TMEM45A: variants seen among roughly 807,000 people sequenced by gnomAD.
The protein encoded by TMEM45A is transmembrane protein 45A.
TMEM45A carries 25 observed loss-of-function variants against 32.0 expected under a neutral mutation model. That is an observed-to-expected ratio of 0.78 (90% CI 0.57 to 1.09). TMEM45A has a LOEUF of 1.09. TMEM45A is among the 50% of genes least tolerant of loss of function. The probability of loss-of-function intolerance (pLI) is 0.00; values close to 1 mark genes in which losing one functional copy is unlikely to be tolerated. For missense variants in TMEM45A, 302 were observed against 325.0 expected (o/e 0.93, Z 0.54); for synonymous variants, 122 against 114.8 (o/e 1.06, Z -0.40).
chr3:100,558,284 G>A (rs951842363), intron 3 of TMEM45A, 121 bp from the exon 4 acceptor site: 103 of 1,152,528 alleles, frequency 8.9e-5, no homozygotes, highest in Non-Finnish European at 1.2e-4. Context: ...ATCAGTGGGC[G>A]CCTGCTCTTT....
chr3:100,506,627 T>G (rs1276442362), intron 1 of TMEM45A, among the ~76,000 whole-genome samples: 1 of 152,176 alleles, frequency 6.6e-6, no homozygotes, highest in Non-Finnish European at 1.5e-5. Context: ...TGTCTATGAG[T>G]GTTTCAGAAA....
chr3:100,497,704 A>T (rs1347664818), intron 1 of TMEM45A, among the ~76,000 whole-genome samples: 2 of 152,208 alleles, frequency 1.3e-5, no homozygotes, highest in South Asian at 2.1e-4. Flanking sequence ...AATGTCTTCA[A>T]GTATCATCCA....
At chr3:100,539,438 T>TATGC (rs1453426235) in intron 1 of TMEM45A, among the ~76,000 whole-genome samples, 6,393 of 108,656 alleles carry the variant, frequency 0.059, 392 homozygotes, top group East Asian at 0.21. Context: ...ATAGGATATG[T>TATGC]ATATGTATAT....
intron 1 of TMEM45A, among the ~76,000 whole-genome samples, chr3:100,493,595 T>C (rs1707881589): frequency 6.6e-6 from 1 of 151,712 alleles, no homozygotes; most frequent in Non-Finnish European, 1.5e-5. Context: ...ATATATACTA[T>C]ATAGTATATA....
rs900824397 is a variant in TMEM45A, at chr3:100,538,528, C to T, written c.-3-16681C>T. Among the ~76,000 whole-genome samples the T allele has an allele frequency of 3.3e-5, 5 of 152,284 alleles. No homozygotes were observed. In the East Asian group the frequency reaches 9.6e-4, roughly 29 times the overall value. ...ACACAAAATGTCCCGTGTCATCACT[C>T]CTATGCCACATCCTACTGGATGTCT... is the stretch of plus-strand genomic sequence containing the variant. On this transcript the variant is annotated intron_variant, in intron 1 of 5. Transcript: ENST00000323523.
At chr3:100,540,504 A>G (rs1218059261) in intron 1 of TMEM45A, among the ~76,000 whole-genome samples, 1 of 152,238 alleles carries the variant, frequency 6.6e-6, no homozygotes, top group Admixed American at 6.5e-5. Context: ...CTATACACCT[A>G]TCAGGAACGC....
chr3:100,565,468 G>GT (rs925202891), intron 4 of TMEM45A, among the ~76,000 whole-genome samples: 63 of 151,018 alleles, frequency 4.2e-4, no homozygotes, highest in Admixed American at 7.9e-4. Flanking sequence ...CACATGAAGT[G>GT]TTTTTTTTTC....
chr3:100,534,550 G>A (rs1286067697), intron 1 of TMEM45A, among the ~76,000 whole-genome samples: 1 of 152,164 alleles, frequency 6.6e-6, no homozygotes. Context: ...GGCAAGGAAA[G>A]GGATTCTCCC....
chr3:100,534,992 C>T (rs761106838), intron 1 of TMEM45A, among the ~76,000 whole-genome samples: 1 of 152,186 alleles, frequency 6.6e-6, no homozygotes, highest in Non-Finnish European at 1.5e-5. Context: ...AACCACTGTT[C>T]TCGCTCCCTC....
intron 1 of TMEM45A, among the ~76,000 whole-genome samples, chr3:100,551,445 G>A (rs1174014191): frequency 6.6e-6 from 1 of 152,148 alleles, no homozygotes; most frequent in African/African-American, 2.4e-5. Flanking sequence ...TTTGGTGGGC[G>A]AGGAAAGCCC....
At chr3:100,557,035 A>G (rs1706236458) in intron 3 of TMEM45A, 63 bp downstream of exon 3, 3 of 1,494,774 alleles carry the variant, frequency 2.0e-6, no homozygotes. Flanking sequence ...GTAGCCCTTC[A>G]TATTAATATA....
At chr3:100,553,254 C>T (rs1012638217) in intron 1 of TMEM45A, among the ~76,000 whole-genome samples, 2 of 152,092 alleles carry the variant, frequency 1.3e-5, no homozygotes, top group Non-Finnish European at 1.5e-5. Flanking sequence ...AGTTGGTATT[C>T]GGACTTAGAT....
chr3:100,566,565 A>G (rs771665667), intron 4 of TMEM45A, among the ~76,000 whole-genome samples: 1 of 152,076 alleles, frequency 6.6e-6, no homozygotes, highest in African/African-American at 2.4e-5. Context: ...ATTTTCATGT[A>G]TTATTATCTT....
chr3:100,502,984 TTCCTCCTTCTCCTCC>T (rs1213040674), intron 1 of TMEM45A, among the ~76,000 whole-genome samples: 3 of 150,906 alleles, frequency 2.0e-5, no homozygotes, highest in African/African-American at 4.9e-5. Flanking sequence ...CCTTCTCCTC[TTCCTCCTTCTCCTCC>T]TCCTCCTTCT....
At chr3:100,542,871 T>C (rs1384910203) in intron 1 of TMEM45A, among the ~76,000 whole-genome samples, 1 of 152,028 alleles carries the variant, frequency 6.6e-6, no homozygotes, top group Admixed American at 6.6e-5. Flanking sequence ...ATAATAGGCA[T>C]TGGGGACCAC....
intron 1 of TMEM45A, among the ~76,000 whole-genome samples, chr3:100,541,524 CTTTTTT>C (rs61341173): frequency 1.8e-5 from 2 of 111,268 alleles, no homozygotes; most frequent in Non-Finnish European, 1.8e-5. Context: ...CTTTTCTTTC[CTTTTTT>C]TTTTTTTTTT....
In TMEM45A at chr3:100,543,103, G is replaced by T. The variant is rs948164931; in HGVS notation, c.-3-12106G>T. On this transcript the variant is annotated intron_variant, in intron 1 of 5. Transcript: ENST00000323523. ...TTGCATCAAAGTTTACCACTGTTTTGCAATTTGCATTTCTCACTGAACCTA... is the reference window on the plus strand; with the variant it reads ...TTGCATCAAAGTTTACCACTGTTTTTCAATTTGCATTTCTCACTGAACCTA... Among the ~76,000 whole-genome samples, 4 of 152,224 alleles carry T rather than the reference G, an allele frequency of 2.6e-5. No homozygotes were observed. In the East Asian group the frequency reaches 7.7e-4, roughly 29 times the overall value.
chr3:100,494,006 A>G (rs1707888203), intron 1 of TMEM45A, among the ~76,000 whole-genome samples: 1 of 152,240 alleles, frequency 6.6e-6, no homozygotes, highest in Non-Finnish European at 1.5e-5. Flanking sequence ...TGCTGGGATT[A>G]CAGATGTGAA....
chr3:100,560,454 C>G (rs989552257), intron 4 of TMEM45A, among the ~76,000 whole-genome samples: 2 of 152,058 alleles, frequency 1.3e-5, no homozygotes, highest in African/African-American at 4.8e-5. Flanking sequence ...AATGTTATTT[C>G]CATGTGCTTC....
Sources: gnomAD v4.1 joint callset for allele counts (sites outside exome capture counted in the v4.1 genomes callset) on GRCh38, gnomAD v4.1.1 for gene constraint, MANE v1.5 for transcripts, NCBI Gene and HGNC (gene_info 2026-07-23, HGNC 2026-07-21) for gene names.